TENM2: variants seen among roughly 807,000 people sequenced by gnomAD.
TENM2 encodes the protein teneurin-2.
Under a neutral mutation model 245.2 loss-of-function variants are expected in TENM2, and 52 were observed. The observed-to-expected ratio is 0.21, with a 90% confidence interval of 0.17 to 0.27. The LOEUF (loss-of-function observed/expected upper bound fraction) is 0.27. TENM2 is among the 10% of genes least tolerant of loss of function. TENM2 has a pLI of 1.00. For synonymous variants in TENM2, 1,363 were observed against 1,438.9 expected (o/e 0.95, Z 1.19); for missense variants, 3,046 against 3,666.8 (o/e 0.83, Z 4.37).
At chr5:167,127,628 T>TAAA in the TENM2 span, among the ~76,000 whole-genome samples, 1 of 123,098 alleles carries the variant, frequency 8.1e-6, no homozygotes, top group African/African-American at 3.1e-5. Flanking sequence ...TTTTTTTTTT[T>TAAA]AAAAAAAAAA....
chr5:167,721,110 T>C (rs542579809), intron 2 of TENM2, among the ~76,000 whole-genome samples: 1 of 152,330 alleles, frequency 6.6e-6, no homozygotes, highest in Non-Finnish European at 1.5e-5. Context: ...TATTAAGGGA[T>C]TTAACAGCCT....
At chr5:167,184,302 G>A in the TENM2 span, among the ~76,000 whole-genome samples, 12 of 152,248 alleles carry the variant, frequency 7.9e-5, no homozygotes, top group Non-Finnish European at 1.5e-4. Context: ...TTGCAGCAAC[G>A]GAGCTGTGCA....
the TENM2 span, among the ~76,000 whole-genome samples, chr5:167,141,754 A>C: frequency 6.6e-6 from 1 of 152,254 alleles, no homozygotes; most frequent in South Asian, 2.1e-4. Context: ...ATTTTTAGTT[A>C]TTCAGCATTT....
At chr5:168,143,380 T>C (rs1755732870) in intron 12 of TENM2, among the ~76,000 whole-genome samples, 1 of 152,158 alleles carries the variant, frequency 6.6e-6, no homozygotes, top group South Asian at 2.1e-4. Flanking sequence ...GTTTGTTACA[T>C]TTTATATTTG....
chr5:167,153,764 A>G, the TENM2 span, among the ~76,000 whole-genome samples: 2 of 152,244 alleles, frequency 1.3e-5, no homozygotes, highest in East Asian at 3.9e-4. Context: ...AAATAATTAC[A>G]TAAATATTTA....
At chr5:167,837,392 T>C (rs1387108715) in intron 2 of TENM2, among the ~76,000 whole-genome samples, 1 of 152,120 alleles carries the variant, frequency 6.6e-6, no homozygotes, top group African/African-American at 2.4e-5. Context: ...CCAAAAAGGT[T>C]GTAGATCAAA....
chr5:167,281,924 C>T (rs938089638), upstream of TENM2, among the ~76,000 whole-genome samples: 7 of 148,462 alleles, frequency 4.7e-5, no homozygotes, highest in Non-Finnish European at 8.9e-5. Context: ...CGCTTGAATC[C>T]GGGAGGCAGA....
chr5:167,627,360 A>G (rs1463558160), intron 2 of TENM2, among the ~76,000 whole-genome samples: 2 of 152,188 alleles, frequency 1.3e-5, no homozygotes, highest in African/African-American at 4.8e-5. Context: ...AGGTCCTATT[A>G]TCAATGTAGC....
At chr5:167,154,555 C>G in the TENM2 span, among the ~76,000 whole-genome samples, 11 of 152,252 alleles carry the variant, frequency 7.2e-5, no homozygotes, top group East Asian at 2.1e-3. Flanking sequence ...ATTCTTCACT[C>G]TGATAAATCG....
At chr5:167,752,812 G>C (rs997532813) in intron 2 of TENM2, among the ~76,000 whole-genome samples, 1 of 152,208 alleles carries the variant, frequency 6.6e-6, no homozygotes, top group African/African-American at 2.4e-5. Flanking sequence ...TTCAGATATA[G>C]ATTTCCATCC....
intron 2 of TENM2, among the ~76,000 whole-genome samples, chr5:167,392,560 A>T (rs565285376): frequency 2.0e-5 from 3 of 151,924 alleles, no homozygotes; most frequent in African/African-American, 7.3e-5. Context: ...CTATACCATA[A>T]CCTCTCCAAC....
chr5:167,552,541 C>T (rs894656692), intron 2 of TENM2, among the ~76,000 whole-genome samples: 1 of 151,978 alleles, frequency 6.6e-6, no homozygotes, highest in Middle Eastern at 3.4e-3. Context: ...CCGCCGCCCA[C>T]AAAAAAGGGA....
chr5:167,487,360 AG>A (rs1768140664), intron 2 of TENM2, among the ~76,000 whole-genome samples: 1 of 151,946 alleles, frequency 6.6e-6, no homozygotes, highest in Admixed American at 6.6e-5. Flanking sequence ...TGTGTATATG[AG>A]TGAGTATGTG....
intron 2 of TENM2, among the ~76,000 whole-genome samples, chr5:167,657,102 G>T (rs2125576): frequency 0.23 from 35,054 of 151,878 alleles, 4,532 homozygotes; most frequent in East Asian, 0.5. Context: ...AACAAATTCT[G>T]CCTATCCCCT....
chr5:168,157,686 T>G (rs1452233251), intron 12 of TENM2, among the ~76,000 whole-genome samples: 1 of 151,852 alleles, frequency 6.6e-6, no homozygotes, highest in East Asian at 1.9e-4. Flanking sequence ...TGGTGGGCAA[T>G]GGGGTAGATA....
chr5:168,005,535 A>T (rs1359919650), intron 5 of TENM2, among the ~76,000 whole-genome samples: 1 of 152,156 alleles, frequency 6.6e-6, no homozygotes, highest in African/African-American at 2.4e-5. Context: ...AAAACCAAAA[A>T]ACCAGCTGAT....
At chr5:167,760,105 T>C (rs1055590867) in intron 2 of TENM2, among the ~76,000 whole-genome samples, 2 of 152,156 alleles carry the variant, frequency 1.3e-5, no homozygotes, top group Non-Finnish European at 2.9e-5. Context: ...AACTGACTTA[T>C]TTAAGTGGAA....
chr5:167,910,720 T>C (rs922290379), intron 3 of TENM2, among the ~76,000 whole-genome samples: 1 of 152,226 alleles, frequency 6.6e-6, no homozygotes, highest in African/African-American at 2.4e-5. Context: ...GAACGCTTTT[T>C]TGCGTTCTTT....
chr5:167,752,158 A>C (rs1166111965), intron 2 of TENM2, among the ~76,000 whole-genome samples: 2 of 151,642 alleles, frequency 1.3e-5, no homozygotes, highest in African/African-American at 4.9e-5. Context: ...ACAGTGGTGC[A>C]ATCTCAGCTC....
Sources: gnomAD v4.1 joint callset for allele counts (sites outside exome capture counted in the v4.1 genomes callset) on GRCh38, gnomAD v4.1.1 for gene constraint, MANE v1.5 for transcripts, NCBI Gene and HGNC (gene_info 2026-07-23, HGNC 2026-07-21) for gene names.